COL23A1: variants seen among roughly 807,000 people sequenced by gnomAD.
COL23A1 encodes collagen alpha-1(XXIII) chain.
Under a neutral mutation model 99.3 loss-of-function variants are expected in COL23A1, and 97 were observed. The ratio of observed to expected loss-of-function variants is 0.98; its 90% CI spans 0.83 to 1.16. The LOEUF (loss-of-function observed/expected upper bound fraction) is 1.16. Among genes scored for constraint, COL23A1 ranks in the 50% most tolerant of loss-of-function variants. The pLI, the probability that COL23A1 is intolerant of heterozygous loss-of-function variation, is 0.00. For synonymous variants in COL23A1, 320 were observed against 308.2 expected (o/e 1.04, Z -0.40); for missense variants, 762 against 757.4 (o/e 1.01, Z -0.07).
At chr5:178,351,585 G>A (rs1018961476) in intron 2 of COL23A1, among the ~76,000 whole-genome samples, 4 of 152,200 alleles carry the variant, frequency 2.6e-5, no homozygotes, top group East Asian at 1.9e-4. Context: ...AGAAAACAGC[G>A]TCTGGAGTGT....
chr5:178,550,141 C>T (rs1365965410), intron 2 of COL23A1, among the ~76,000 whole-genome samples: 1 of 152,182 alleles, frequency 6.6e-6, no homozygotes, highest in Non-Finnish European at 1.5e-5. Context: ...GGAAACCTAG[C>T]AAGTTGTTTT....
chr5:178,531,088 A>G (rs980773585), intron 2 of COL23A1, among the ~76,000 whole-genome samples: 1 of 152,152 alleles, frequency 6.6e-6, no homozygotes, highest in Non-Finnish European at 1.5e-5. Context: ...GCTGGTCTCA[A>G]ATTCCCAACC....
intron 2 of COL23A1, chr5:178,523,616 G>A (rs985479623): frequency 6.6e-6 from 1 of 152,012 alleles, no homozygotes; most frequent in Non-Finnish European, 1.5e-5. Context: ...GGAAGCTCGA[G>A]GATGGTGCTT....
intron 2 of COL23A1, among the ~76,000 whole-genome samples, chr5:178,557,210 C>T (rs1425082864): frequency 6.6e-6 from 1 of 152,172 alleles, no homozygotes; most frequent in Non-Finnish European, 1.5e-5. Context: ...CTGGTCTGTG[C>T]GTCTCTGCCT....
intron 3 of COL23A1, among the ~76,000 whole-genome samples, chr5:178,291,370 T>C (rs1257537623): frequency 2.0e-5 from 3 of 152,178 alleles, no homozygotes; most frequent in Non-Finnish European, 4.4e-5. Context: ...AGACAGATCC[T>C]TAAGAGGACA....
In COL23A1 at chr5:178,247,763, A is replaced by T. The variant is rs1229819117; in HGVS notation, c.1269+12T>A. On this transcript the variant is annotated intron_variant, in intron 21 of 28. Coordinates refer to ENST00000390654, the MANE Select transcript of COL23A1 (RefSeq NM_173465.4). ...GGCTGCTTCAAACCAAACCAAAGCA[A>T]ACCGTCCTTACCATCGGGCCTGGGG... is the stretch of plus-strand genomic sequence containing the variant. 2 of 1,613,094 alleles carry T rather than the reference A, an allele frequency of 1.2e-6. No individual in the cohort carries two copies. The highest frequency in any genetic ancestry group is 3.3e-5 in the Admixed American group (2 of 59,998).
At chr5:178,560,569 CGAA>C in intron 2 of COL23A1, 110 bp downstream of exon 2, 2 of 916,684 alleles carry the variant, frequency 2.2e-6, no homozygotes. Flanking sequence ...GGCCAGTGCA[CGAA>C]GACGACAGCC....
chr5:178,282,699 G>A (rs1182390944), intron 5 of COL23A1, among the ~76,000 whole-genome samples: 2 of 152,212 alleles, frequency 1.3e-5, no homozygotes, highest in African/African-American at 4.8e-5. Context: ...GCATGCATGA[G>A]TGCGCACCCA....
Position 178,268,541 on chromosome 5 carries a change from T to C in COL23A1, c.495+189A>G, listed in dbSNP as rs549337251. On this transcript the variant is annotated intron_variant, in intron 7 of 28. Coordinates refer to ENST00000390654, the MANE Select transcript of COL23A1 (RefSeq NM_173465.4). Reference sequence around the variant, plus strand: ...GACTCAACTCTCTGGGCAGGCCGTATTGTCAAATGTAAGCCTTGTAATCAT... The same window carrying C: ...GACTCAACTCTCTGGGCAGGCCGTACTGTCAAATGTAAGCCTTGTAATCAT... Among the ~76,000 whole-genome samples, 3 of 152,288 alleles carry C rather than the reference T, an allele frequency of 2.0e-5. No homozygotes were observed. In the South Asian group the frequency reaches 6.2e-4, roughly 32 times the overall value.
intron 27 of COL23A1, among the ~76,000 whole-genome samples, chr5:178,240,569 TTGGAGGGGAGTCC>T (rs1195746107): frequency 2.0e-5 from 3 of 152,210 alleles, no homozygotes; most frequent in Non-Finnish European, 4.4e-5. Flanking sequence ...GCTTACTGAT[TTGGAGGGGAGTCC>T]TGGGCCAGGC....
intron 2 of COL23A1, among the ~76,000 whole-genome samples, chr5:178,390,757 C>A (rs1156232377): frequency 1.3e-5 from 2 of 152,238 alleles, no homozygotes; most frequent in African/African-American, 2.4e-5. Flanking sequence ...TGGACCCCTG[C>A]CTCACACCAT....
At chr5:178,391,544 C>T (rs1017774127) in intron 2 of COL23A1, among the ~76,000 whole-genome samples, 1 of 152,190 alleles carries the variant, frequency 6.6e-6, no homozygotes, top group Admixed American at 6.5e-5. Context: ...ACTTCACTCC[C>T]ACTAGGATGG....
intron 1 of COL23A1, among the ~76,000 whole-genome samples, chr5:178,575,900 G>C (rs262052): frequency 0.058 from 8,800 of 152,256 alleles, 853 homozygotes; most frequent in African/African-American, 0.2. Context: ...CCAGGTGTTC[G>C]GAATATGACC....
chr5:178,313,060 G>A lies in COL23A1; in HGVS notation c.362-6141C>T, dbSNP rs1306642037. Reference sequence around the variant, plus strand: ...CACGCTGCAGCATGATGGGCCTGGAGGACGTCACGCGATGGGAAGTAAGCC... The same window carrying A: ...CACGCTGCAGCATGATGGGCCTGGAAGACGTCACGCGATGGGAAGTAAGCC... On this transcript the variant is annotated intron_variant, in intron 2 of 28. Coordinates refer to ENST00000390654, the MANE Select transcript of COL23A1 (RefSeq NM_173465.4). The surrounding 1 kb of genome is among the most constrained non-coding windows in gnomAD (Gnocchi z 4.2). Among the ~76,000 whole-genome samples, 1 of 152,198 alleles carries A rather than the reference G, an allele frequency of 6.6e-6. No homozygotes were observed. The highest frequency in any genetic ancestry group is 1.5e-5 in the Non-Finnish European group (1 of 68,034).
chr5:178,302,447 C>CTGGAGCACGGCTTCAATGCTGCACCTG lies in COL23A1; in HGVS notation c.406+4427_406+4428insCAGGTGCAGCATTGAAGCCGTGCTCCA, dbSNP rs1561842150. Among the ~76,000 whole-genome samples the CTGGAGCACGGCTTCAATGCTGCACCTG allele has an allele frequency of 2.9e-3, 143 of 49,822 alleles. 4 individuals carry two copies. Among genetic ancestry groups the CTGGAGCACGGCTTCAATGCTGCACCTG allele is most frequent in the African/African-American group, 0.011 (128 of 12,152 alleles). The allele number at this position is 49,822 out of a possible 152,430, so 32.7% of individuals were successfully genotyped here. A position where few individuals can be genotyped will look rare whatever the true frequency, so the allele number is the denominator to read the frequency against. Reference sequence around the variant, plus strand: ...GCCGGAGCACGGCTTCAATCCACCTCTGTGTGTGCCGGAGCACGGCTTCAA... The same window carrying CTGGAGCACGGCTTCAATGCTGCACCTG: ...GCCGGAGCACGGCTTCAATCCACCTCTGGAGCACGGCTTCAATGCTGCACCTGTGTGTGTGCCGGAGCACGGCTTCAA... On this transcript the variant is annotated intron_variant, in intron 3 of 28. Transcript: ENST00000390654.
chr5:178,379,302 C>T (rs35051026), intron 2 of COL23A1, among the ~76,000 whole-genome samples: 15,622 of 151,888 alleles, frequency 0.1, 1,593 homozygotes, highest in African/African-American at 0.27. Context: ...CACTGTTGAC[C>T]GTAGATGCTA....
At chr5:178,407,952 G>A (rs990041380) in intron 2 of COL23A1, among the ~76,000 whole-genome samples, 2 of 152,150 alleles carry the variant, frequency 1.3e-5, no homozygotes, top group Admixed American at 6.5e-5. Flanking sequence ...ATTTCCAGAT[G>A]TGCCCAAAGA....
At chr5:178,445,137 C>A (rs1475182242) in intron 2 of COL23A1, among the ~76,000 whole-genome samples, 1 of 152,184 alleles carries the variant, frequency 6.6e-6, no homozygotes. Flanking sequence ...TCTAGGATTG[C>A]AAGGATGGCT....
At chr5:178,383,069 G>A (rs540261082) in intron 2 of COL23A1, among the ~76,000 whole-genome samples, 64 of 152,146 alleles carry the variant, frequency 4.2e-4, no homozygotes, top group Non-Finnish European at 7.5e-4. Flanking sequence ...GGGGGCTGCT[G>A]GTGCATGGTT....
Sources: allele counts gnomAD v4.1 joint callset (sites outside exome capture counted in the v4.1 genomes callset), GRCh38; gene constraint gnomAD v4.1.1; non-coding constraint Gnocchi (gnomAD v3.1); transcripts MANE v1.5; gene names NCBI Gene and HGNC (gene_info 2026-07-23, HGNC 2026-07-21).